Variants in SNTG1 observed in about 807,000 individuals in gnomAD.
SNTG1 encodes the protein syntrophin gamma 1, also known as gamma-1-syntrophin.
A neutral mutation model predicts 74.7 loss-of-function variants in SNTG1; 39 were observed. The observed-to-expected ratio is 0.52, with a 90% CI of 0.40 to 0.68. The LOEUF is 0.68. Among genes scored for constraint, SNTG1 ranks in the 30% least tolerant of loss-of-function variants. SNTG1 has a pLI of 0.00. For missense variants in SNTG1, 685 were observed against 609.5 expected, an observed-to-expected ratio of 1.12 and a Z score of -1.30; for synonymous variants, 254 against 217.1, an observed-to-expected ratio of 1.17 and a Z score of -1.49.
In SNTG1 at chr8:50,416,418, A is replaced by G. The variant is rs367670051; in HGVS notation, c.162+14074A>G. ...CAATATGTCAAATGTGTAGTACAAA[A>G]AGTGAGAATCTGAGTGAGAATTTAA... On this transcript the variant is annotated intron_variant, in intron 4 of 18. Transcript: ENST00000642720. Among the ~76,000 whole-genome samples, 9 of 152,302 alleles carry G rather than the reference A, an allele frequency of 5.9e-5. No individual in the cohort carries two copies. In the South Asian group the frequency reaches 1.7e-3, roughly 28 times the overall value.
intron 8 of SNTG1, among the ~76,000 whole-genome samples, chr8:50,474,627 T>C (rs1453114360): frequency 2.0e-5 from 3 of 152,278 alleles, no homozygotes; most frequent in African/African-American, 7.2e-5. Flanking sequence ...ACACTGTTGG[T>C]GGGACTGTAA....
At chr8:50,765,825 T>C (rs2095612199) in intron 18 of SNTG1, among the ~76,000 whole-genome samples, 1 of 151,906 alleles carries the variant, frequency 6.6e-6, no homozygotes, top group South Asian at 2.1e-4. Context: ...TGTAGAGACA[T>C]TGTTATGTAG....
chr8:50,530,638 T>C (rs1037659248), intron 10 of SNTG1, among the ~76,000 whole-genome samples: 1 of 152,192 alleles, frequency 6.6e-6, no homozygotes, highest in African/African-American at 2.4e-5. Flanking sequence ...TAATTTGCTA[T>C]TTGTTAGGAT....
At chr8:50,244,606 G>A (rs554403416) in intron 2 of SNTG1, among the ~76,000 whole-genome samples, 1 of 152,092 alleles carries the variant, frequency 6.6e-6, no homozygotes, top group Admixed American at 6.6e-5. Flanking sequence ...GAGGACTCTG[G>A]TTACTTTAAA....
At chr8:50,027,580 C>G (rs1817376584) in intron 1 of SNTG1, among the ~76,000 whole-genome samples, 1 of 152,152 alleles carries the variant, frequency 6.6e-6, no homozygotes, top group Admixed American at 6.5e-5. Context: ...CTGCTGCCAG[C>G]CAGGGGCTGC....
intron 2 of SNTG1, among the ~76,000 whole-genome samples, chr8:50,204,534 A>G (rs2131859572): frequency 6.6e-6 from 1 of 152,290 alleles, no homozygotes; most frequent in South Asian, 2.1e-4. Flanking sequence ...TTGAAAATAC[A>G]TCTTTGAAAA....
intron 9 of SNTG1, among the ~76,000 whole-genome samples, chr8:50,510,809 C>A (rs972363909): frequency 3.9e-5 from 6 of 151,940 alleles, no homozygotes; most frequent in African/African-American, 1.4e-4. Context: ...TCTCTCTTTT[C>A]TTCTTTATTA....
At chr8:50,249,402 C>G (rs114480131) in intron 2 of SNTG1, among the ~76,000 whole-genome samples, 8 of 152,240 alleles carry the variant, frequency 5.3e-5, no homozygotes, top group Non-Finnish European at 2.9e-5. Context: ...CATAAGCTGG[C>G]CTCACCTCAG....
intron 2 of SNTG1, among the ~76,000 whole-genome samples, chr8:50,215,362 A>T (rs2084730645): frequency 6.7e-6 from 1 of 149,242 alleles, no homozygotes; most frequent in Non-Finnish European, 1.5e-5. Flanking sequence ...CAAGGGGCAT[A>T]GAGAAATGTG....
chr8:50,146,717 A>G (rs1357130293), intron 1 of SNTG1, among the ~76,000 whole-genome samples: 1 of 152,140 alleles, frequency 6.6e-6, no homozygotes, highest in Non-Finnish European at 1.5e-5. Context: ...TGATATTGTA[A>G]GAGTTTTGTT....
At position 50,211,785 on chromosome 8, in the gene SNTG1, AAAG is replaced by A. The variant is rs551523344; in HGVS notation, c.-28+39154_-28+39156del. On this transcript the variant is annotated intron_variant, in intron 2 of 18. Transcript: ENST00000642720. ...AAAATCATTTTGCTTCAGTGAGATC[AAAG>A]AAGGTTTACATTTGACAGTATCTGA... 7.4e-4 allele frequency among the ~76,000 whole-genome samples: 112 copies of A among 152,276 alleles called. 1 individual carries two copies. Among genetic ancestry groups the A allele is most frequent in the South Asian group, 5.0e-3 (24 of 4,832 alleles).
At chr8:50,441,308 G>A (rs2093355664) in intron 5 of SNTG1, among the ~76,000 whole-genome samples, 1 of 151,998 alleles carries the variant, frequency 6.6e-6, no homozygotes, top group African/African-American at 2.4e-5. Flanking sequence ...CAAGTTGGTG[G>A]GAAAATAAAA....
rs185172669 is a variant in SNTG1, at chr8:50,413,676, T to C, written c.162+11332T>C. On this transcript the variant is annotated intron_variant, in intron 4 of 18. Transcript: ENST00000642720. ...TGAAGAGCCTCCTCTCTATTATCTGTGTTCTTTCCTTCAGTAACATTTGGA... is the reference window on the plus strand; with the variant it reads ...TGAAGAGCCTCCTCTCTATTATCTGCGTTCTTTCCTTCAGTAACATTTGGA... 5.9e-5 allele frequency among the ~76,000 whole-genome samples: 9 copies of C among 152,320 alleles called. No individual in the cohort carries two copies. In the East Asian group the frequency reaches 1.7e-3, roughly 29 times the overall value.
intron 16 of SNTG1, 59 bp from the exon 17 acceptor site, chr8:50,708,827 C>T: frequency 8.9e-7 from 1 of 1,117,354 alleles, no homozygotes; most frequent in Non-Finnish European, 1.4e-6. Flanking sequence ...TAACATAGTT[C>T]ATAATATTGA....
At chr8:50,623,308 T>C (rs2094935538) in intron 13 of SNTG1, among the ~76,000 whole-genome samples, 1 of 152,158 alleles carries the variant, frequency 6.6e-6, no homozygotes, top group Non-Finnish European at 1.5e-5. Flanking sequence ...TGTGGGGTTG[T>C]TATACATGGC....
rs968182988 is a variant in SNTG1 at position 50,249,944 on chromosome 8, G to A, written c.-28+77309G>A. Reference sequence around the variant, plus strand: ...AAAATATAACAACCACAAAATAACAGGGTTCTTTGTCTCTAGCAACAGATC... The same window carrying A: ...AAAATATAACAACCACAAAATAACAAGGTTCTTTGTCTCTAGCAACAGATC... On this transcript the variant is annotated intron_variant, in intron 2 of 18. Transcript: ENST00000642720. 6.6e-5 allele frequency among the ~76,000 whole-genome samples: 10 copies of A among 151,928 alleles called. No individual in the cohort carries two copies. The East Asian group carries it at 1.7e-3, about 26-fold the overall frequency.
chr8:50,426,229 A>C (rs552420396), intron 4 of SNTG1, among the ~76,000 whole-genome samples: 2 of 152,212 alleles, frequency 1.3e-5, no homozygotes, highest in East Asian at 3.9e-4. Flanking sequence ...TAGTCCTCAG[A>C]TCTCCTCAGG....
At chr8:50,096,945 G>A (rs1039043161) in intron 1 of SNTG1, among the ~76,000 whole-genome samples, 35 of 152,032 alleles carry the variant, frequency 2.3e-4, no homozygotes, top group Non-Finnish European at 4.7e-4. Context: ...ACAAAACACT[G>A]AATTCTTACT....
chr8:49,985,211 G>A (rs1563432407), intron 1 of SNTG1, among the ~76,000 whole-genome samples: 2 of 151,960 alleles, frequency 1.3e-5, no homozygotes, highest in African/African-American at 2.4e-5. Context: ...TCACTCTGTC[G>A]CCCAGGCTGG....
Sources: allele counts gnomAD v4.1 joint callset (sites outside exome capture counted in the v4.1 genomes callset), GRCh38; gene constraint gnomAD v4.1.1; transcripts MANE v1.5; gene names NCBI Gene and HGNC (gene_info 2026-07-23, HGNC 2026-07-21).